The following NECTIN3 variants were observed in gnomAD, a reference collection of about 807,000 sequenced individuals.
NECTIN3 encodes the protein nectin-3.
A neutral mutation model predicts 49.4 loss-of-function variants in NECTIN3; 8 were observed. That is an observed-to-expected ratio of 0.16 (90% CI 0.10 to 0.29). The LOEUF is 0.29. Ranked by LOEUF, NECTIN3 falls within the 10% of genes least tolerant of loss-of-function variation. The pLI, the probability that NECTIN3 is intolerant of heterozygous loss-of-function variation, is 1.00. For synonymous variants in NECTIN3, 277 were observed against 241.1 expected (o/e 1.15, Z -1.38); for missense variants, 581 against 654.6 (o/e 0.89, Z 1.23).
At chr3:111,150,917 T>C (rs1471286137) in intron 7 of NECTIN3, among the ~76,000 whole-genome samples, 2 of 151,968 alleles carry the variant, frequency 1.3e-5, no homozygotes, top group Non-Finnish European at 2.9e-5. Context: ...TTTAAATGAA[T>C]AACATGATAA....
At chr3:111,166,352 T>G (rs1475242460) in intron 7 of NECTIN3, among the ~76,000 whole-genome samples, 6 of 147,226 alleles carry the variant, frequency 4.1e-5, no homozygotes, top group African/African-American at 1.6e-4. Context: ...AACAATGTTA[T>G]GTCCACCATG....
At chr3:111,149,333 G>C (rs544563921) in intron 7 of NECTIN3, among the ~76,000 whole-genome samples, 12 of 151,924 alleles carry the variant, frequency 7.9e-5, no homozygotes, top group Non-Finnish European at 1.3e-4. Flanking sequence ...GTCTACTTCA[G>C]AATTACCTTC....
At chr3:111,186,770 AT>A (rs1234806044) in intron 7 of NECTIN3, among the ~76,000 whole-genome samples, 2 of 152,222 alleles carry the variant, frequency 1.3e-5, no homozygotes, top group African/African-American at 4.8e-5. Context: ...AGGAGAGTGA[AT>A]ATGGATTATA....
At chr3:111,072,352 G>A (rs1162671260) in intron 1 of NECTIN3, 175 bp downstream of exon 1, 16 of 1,469,998 alleles carry the variant, frequency 1.1e-5, no homozygotes, top group Non-Finnish European at 1.4e-5. Flanking sequence ...CCCTGGAAGG[G>A]CCAGGCCAGC....
chr3:111,184,564 C>T (rs771968997), intron 7 of NECTIN3, among the ~76,000 whole-genome samples: 1 of 152,146 alleles, frequency 6.6e-6, no homozygotes, highest in African/African-American at 2.4e-5. Flanking sequence ...GCCAAATAAA[C>T]TTCTATTGTT....
At chr3:111,168,482 A>G (rs1327083872) in intron 7 of NECTIN3, among the ~76,000 whole-genome samples, 1 of 152,170 alleles carries the variant, frequency 6.6e-6, no homozygotes, top group Non-Finnish European at 1.5e-5. Context: ...ATATCTGTAT[A>G]CACACATATA....
chr3:111,159,076 T>C (rs758931587), intron 7 of NECTIN3, among the ~76,000 whole-genome samples: 1 of 152,214 alleles, frequency 6.6e-6, no homozygotes, highest in Non-Finnish European at 1.5e-5. Context: ...ACTGACTGAA[T>C]TAATTATTGA....
In NECTIN3 at chr3:111,134,723, A is replaced by T; in HGVS notation, c.*508A>T. 1 of 898,130 alleles carries T rather than the reference A, an allele frequency of 1.1e-6. No homozygotes were observed. The allele number at this position is 898,130 out of a possible 1,614,324, so 55.6% of individuals were successfully genotyped here. A position where few individuals can be genotyped will look rare whatever the true frequency, so the allele number is the denominator to read the frequency against. ...TAATATACAAAAAATATTTAGCCTG[A>T]TGGAATGGCTTTCCTTTTCAAACAT... On this transcript the variant is annotated 3_prime_UTR_variant, in exon 6 of 6. Transcript: ENST00000485303.
At chr3:111,076,024 A>G (rs2031170401) in intron 1 of NECTIN3, among the ~76,000 whole-genome samples, 1 of 152,138 alleles carries the variant, frequency 6.6e-6, no homozygotes, top group South Asian at 2.1e-4. Context: ...AAGCAAGCAG[A>G]AAGATCAAAT....
At chr3:111,103,382 G>A (rs1217796122) in intron 1 of NECTIN3, among the ~76,000 whole-genome samples, 5 of 150,904 alleles carry the variant, frequency 3.3e-5, no homozygotes, top group African/African-American at 1.2e-4. Flanking sequence ...ATTGTTGTGG[G>A]TGCTATGTAA....
intron 2 of NECTIN3, among the ~76,000 whole-genome samples, chr3:111,115,011 G>T (rs1374934304): frequency 6.6e-6 from 1 of 152,134 alleles, no homozygotes; most frequent in African/African-American, 2.4e-5. Flanking sequence ...TTAAGGGAAA[G>T]TTTTCTTAAC....
chr3:111,145,624 T>G (rs536651535), intron 6 of NECTIN3, among the ~76,000 whole-genome samples: 3 of 152,318 alleles, frequency 2.0e-5, no homozygotes, highest in African/African-American at 7.2e-5. Flanking sequence ...GACCAGTGTC[T>G]CAGTTCTCTT....
intron 2 of NECTIN3, 52 bp from the exon 3 acceptor site, chr3:111,118,604 T>C (rs1389056632): frequency 7.7e-6 from 11 of 1,421,064 alleles, no homozygotes; most frequent in Admixed American, 2.6e-5. Context: ...TGGAAAGATA[T>C]AAACATATTC....
At chr3:111,192,399 A>G in exon 1 of NECTIN3, 2 of 1,535,736 alleles carry the variant, frequency 1.3e-6, no homozygotes, top group Non-Finnish European at 1.7e-6. Flanking sequence ...AGAAGTTGGC[A>G]ATCTTCAGCA....
intron 1 of NECTIN3, among the ~76,000 whole-genome samples, chr3:111,102,786 A>T (rs1248203070): frequency 6.6e-6 from 1 of 152,068 alleles, no homozygotes; most frequent in Non-Finnish European, 1.5e-5. Flanking sequence ...TTTGCATTTT[A>T]TACTTAGGTT....
chr3:111,125,045 T>TTTTA (rs2034107732), intron 4 of NECTIN3, among the ~76,000 whole-genome samples: 1 of 125,916 alleles, frequency 7.9e-6, no homozygotes, highest in Non-Finnish European at 1.5e-5. Flanking sequence ...TTTTTTTTTT[T>TTTTA]TGAGACAGAG....
chr3:111,123,430 T>A (rs1201329581), intron 4 of NECTIN3, among the ~76,000 whole-genome samples: 1 of 152,146 alleles, frequency 6.6e-6, no homozygotes, highest in Admixed American at 6.5e-5. Context: ...GTGGATGCTT[T>A]CTCTGCAGTG....
intron 5 of NECTIN3, among the ~76,000 whole-genome samples, chr3:111,128,600 T>G (rs1219045213): frequency 6.6e-6 from 1 of 152,180 alleles, no homozygotes; most frequent in Non-Finnish European, 1.5e-5. Flanking sequence ...TCTTCCTTCT[T>G]TCAGTTACTG....
intron 1 of NECTIN3, among the ~76,000 whole-genome samples, chr3:111,097,413 T>C (rs750160195): frequency 6.6e-6 from 1 of 152,196 alleles, no homozygotes; most frequent in Non-Finnish European, 1.5e-5. Flanking sequence ...GAGTTAATGC[T>C]GAAATGAGTT....
Sources: allele counts gnomAD v4.1 joint callset (sites outside exome capture counted in the v4.1 genomes callset), GRCh38; gene constraint gnomAD v4.1.1; transcripts MANE v1.5; gene names NCBI Gene and HGNC (gene_info 2026-07-23, HGNC 2026-07-21).